The following TNS3 variants were observed in gnomAD, a reference collection of about 807,000 sequenced individuals.
TNS3 encodes the protein tensin-3.
TNS3 carries 45 observed loss-of-function variants against 140.9 expected under a neutral mutation model. The ratio of observed to expected loss-of-function variants is 0.32; its 90% CI spans 0.25 to 0.41. TNS3 has a LOEUF of 0.41. Ranked by LOEUF, TNS3 falls within the 10% of genes least tolerant of loss-of-function variation. The pLI, the probability that TNS3 is intolerant of heterozygous loss-of-function variation, is 1.00. For missense variants in TNS3, 1,716 were observed against 1,906.7 expected (o/e 0.90, Z 1.86); for synonymous variants, 815 against 788.4 (o/e 1.03, Z -0.56).
At chr7:47,564,635 CAAAAA>C (rs749603752) in intron 1 of TNS3, among the ~76,000 whole-genome samples, 1 of 30,222 alleles carries the variant, frequency 3.3e-5, no homozygotes, top group East Asian at 1.6e-3. Flanking sequence ...GACTCCGTCT[CAAAAA>C]AAAAAAAAAC....
chr7:47,292,754 A>G, intron 26 of TNS3, 74 bp downstream of exon 26: 6 of 1,346,698 alleles, frequency 4.5e-6, no homozygotes, highest in Non-Finnish European at 6.3e-6. Flanking sequence ...GTGGATCTTC[A>G]TGGATCTCTA....
intron 21 of TNS3, among the ~76,000 whole-genome samples, 178 bp downstream of exon 21, chr7:47,304,654 C>T (rs776997331): frequency 2.6e-5 from 4 of 152,158 alleles, no homozygotes; most frequent in Non-Finnish European, 4.4e-5. Context: ...CTGTCCCCGG[C>T]GGTAGCAGTG....
At chr7:47,450,954 T>A (rs1795986207) in intron 4 of TNS3, among the ~76,000 whole-genome samples, 1 of 152,012 alleles carries the variant, frequency 6.6e-6, no homozygotes, top group African/African-American at 2.4e-5. Context: ...GCCAACGTGA[T>A]GAAACCCCGT....
intron 4 of TNS3, chr7:47,453,061 T>C: frequency 1.0e-6 from 1 of 985,488 alleles, no homozygotes; most frequent in Middle Eastern, 5.2e-4. Flanking sequence ...TCTCGGCAGC[T>C]CTGGGCATAA....
chr7:47,515,527 G>C (rs2151905509), intron 2 of TNS3, among the ~76,000 whole-genome samples: 2 of 150,510 alleles, frequency 1.3e-5, no homozygotes, highest in South Asian at 4.3e-4. Flanking sequence ...ATAATCACCA[G>C]TGCCATGGTC....
chr7:47,297,071 A>C lies in TNS3; in HGVS notation c.3676+11T>G. ...TGAGCTGAACAGATCAATAGGGAGC[A>C]GTAACCTTACCTTTCTTGTTCAGCT... is the stretch of plus-strand genomic sequence containing the variant. On this transcript the variant is annotated intron_variant, in intron 24 of 30. Coordinates refer to ENST00000311160, the MANE Select transcript of TNS3 (RefSeq NM_022748.12). The C allele has an allele frequency of 6.2e-7, 1 of 1,614,146 alleles. No individual in the cohort carries two copies. Among genetic ancestry groups the C allele is most frequent in the Middle Eastern group, 1.7e-4 (1 of 6,056 alleles).
chr7:47,388,214 C>T (rs1037251575), intron 16 of TNS3, among the ~76,000 whole-genome samples: 1 of 152,108 alleles, frequency 6.6e-6, no homozygotes, highest in Non-Finnish European at 1.5e-5. Context: ...AAGGACCAAA[C>T]CCTCATTACA....
At chr7:47,297,376 T>C (rs980862338) in intron 23 of TNS3, among the ~76,000 whole-genome samples, 163 bp from the exon 24 acceptor site, 1 of 151,962 alleles carries the variant, frequency 6.6e-6, no homozygotes, top group Admixed American at 6.6e-5. Context: ...TACATGTCCA[T>C]GCAGTTGAGG....
At chr7:47,377,607 C>A (rs1660531992) in intron 16 of TNS3, among the ~76,000 whole-genome samples, 1 of 152,026 alleles carries the variant, frequency 6.6e-6, no homozygotes, top group African/African-American at 2.4e-5. Context: ...GTTAAAACAA[C>A]CGTTGTGAGA....
chr7:47,491,063 G>A (rs563242177), intron 3 of TNS3, among the ~76,000 whole-genome samples: 1 of 152,290 alleles, frequency 6.6e-6, no homozygotes, highest in East Asian at 1.9e-4. Flanking sequence ...GGGGGCAAGA[G>A]GCCGACAGAG....
intron 10 of TNS3, among the ~76,000 whole-genome samples, chr7:47,418,427 A>G (rs2151444333): frequency 6.6e-6 from 1 of 152,380 alleles, no homozygotes; most frequent in South Asian, 2.1e-4. Flanking sequence ...GTGGCATTAA[A>G]GGTAGATATA....
At chr7:47,580,714 A>C (rs1345101561) in intron 1 of TNS3, among the ~76,000 whole-genome samples, 4 of 152,072 alleles carry the variant, frequency 2.6e-5, no homozygotes, top group Admixed American at 1.3e-4. Context: ...GAAGAACCAG[A>C]ATCACCAGAA....
chr7:47,481,094 A>C lies in TNS3; in HGVS notation c.-76+9T>G, dbSNP rs2151789360. On this transcript the variant is annotated intron_variant, in intron 4 of 30. Transcript: ENST00000311160. ...GAACAAGGGAGCCAAAGAAATGCAA[A>C]GGGCTTACCTGTTCCAGTCGGACTT... The C allele has an allele frequency of 7.8e-7, 1 of 1,289,708 alleles. No individual in the cohort carries two copies. Among genetic ancestry groups the C allele is most frequent in the East Asian group, 5.5e-5 (1 of 18,020 alleles). 79.9% of individuals were successfully genotyped at this position (1,289,708 alleles called of 1,614,324 possible).
intron 3 of TNS3, among the ~76,000 whole-genome samples, chr7:47,499,872 T>A (rs545534050): frequency 6.6e-6 from 1 of 152,188 alleles, no homozygotes; most frequent in East Asian, 1.9e-4. Context: ...TACTGGCTCA[T>A]CAATTCTAAC....
At chr7:47,461,586 G>A (rs1394662669) in intron 4 of TNS3, among the ~76,000 whole-genome samples, 1 of 152,142 alleles carries the variant, frequency 6.6e-6, no homozygotes. Flanking sequence ...GGCACTGCAT[G>A]CCCACTGCAT....
intron 1 of TNS3, among the ~76,000 whole-genome samples, chr7:47,537,442 C>T (rs1799642459): frequency 6.6e-6 from 1 of 152,038 alleles, no homozygotes; most frequent in South Asian, 2.1e-4. Context: ...TCCGAGCGAG[C>T]GCGGAGGCAC....
At chr7:47,291,285 T>C (rs1785683987) in intron 27 of TNS3, among the ~76,000 whole-genome samples, 1 of 152,140 alleles carries the variant, frequency 6.6e-6, no homozygotes, top group Admixed American at 6.5e-5. Flanking sequence ...TCCAAACCTG[T>C]AGAATGCATG....
chr7:47,404,269 G>A (rs1793321405), intron 13 of TNS3, among the ~76,000 whole-genome samples: 1 of 152,226 alleles, frequency 6.6e-6, no homozygotes, highest in Admixed American at 6.5e-5. Flanking sequence ...CTCAGATCTT[G>A]AGAAAGTTGC....
intron 16 of TNS3, among the ~76,000 whole-genome samples, chr7:47,374,786 C>T (rs921985838): frequency 6.6e-6 from 1 of 152,128 alleles, no homozygotes; most frequent in African/African-American, 2.4e-5. Context: ...GTAGAAAGAC[C>T]ACAGAAATGA....
Sources: gnomAD v4.1 joint callset for allele counts (sites outside exome capture counted in the v4.1 genomes callset) on GRCh38, gnomAD v4.1.1 for gene constraint, MANE v1.5 for transcripts, NCBI Gene and HGNC (gene_info 2026-07-23, HGNC 2026-07-21) for gene names.